The following NCOA6 variants were observed in gnomAD, a reference collection of about 807,000 sequenced individuals.
NCOA6 encodes the protein nuclear receptor coactivator 6, also known as NRC RAP250.
Under a neutral mutation model 171.4 loss-of-function variants are expected in NCOA6, and 49 were observed. The observed-to-expected ratio is 0.29, with a 90% CI of 0.23 to 0.36. The LOEUF (loss-of-function observed/expected upper bound fraction) is 0.36. Ranked by LOEUF, NCOA6 falls within the 10% of genes least tolerant of loss-of-function variation. The pLI is 1.00. For missense variants in NCOA6, 2,248 were observed against 2,554.5 expected, an observed-to-expected ratio of 0.88 and a Z score of 2.59; for synonymous variants, 910 against 927.5, an observed-to-expected ratio of 0.98 and a Z score of 0.34.
chr20:34,767,487 G>A (rs185294336), intron 5 of NCOA6, among the ~76,000 whole-genome samples: 210 of 152,142 alleles, frequency 1.4e-3, no homozygotes, highest in African/African-American at 4.5e-3. Flanking sequence ...GTAGAGATGG[G>A]GTTTCACCAT....
At position 34,742,798 on chromosome 20, in the gene NCOA6, T is replaced by A. The variant is rs1258014849; in HGVS notation, c.3458A>T (p.His1153Leu). 1 of 1,614,052 alleles carries A rather than the reference T, an allele frequency of 6.2e-7. No individual in the cohort carries two copies. The highest frequency in any genetic ancestry group is 1.3e-5 in the African/African-American group (1 of 74,900). The change falls in exon 11 of 15, where the codon CAT becomes CTT. Residue 1153 changes from histidine (H) to leucine (L), a missense_variant. By Grantham distance (99) the His-to-Leu change is moderately conservative. Around this residue, in one of 7 missense-constraint regions of NCOA6, gnomAD observed 352 missense variants for 419.1 expected, o/e 0.84. Coordinates refer to ENST00000359003, the MANE Select transcript of NCOA6 (RefSeq NM_014071.5). ...TAACTGATTCTGGGGAAGTACTACA[T>A]GTGAAGGCATGTTGTTTGGGCCTCC... ...VPGGPNNMPS[H>L]VVLPQNQLMM...
At chr20:34,744,915 A>G (rs57050318) in intron 10 of NCOA6, among the ~76,000 whole-genome samples, 2,328 of 152,320 alleles carry the variant, frequency 0.015, 67 homozygotes, top group African/African-American at 0.053. Context: ...AGTAAATACC[A>G]AAGAGGACAG....
intron 4 of NCOA6, among the ~76,000 whole-genome samples, chr20:34,775,529 A>G (rs1396454823): frequency 5.3e-5 from 8 of 151,976 alleles, no homozygotes; most frequent in Admixed American, 5.2e-4. Context: ...TACTAAAAAT[A>G]CAAAAATTAG....
intron 1 of NCOA6, among the ~76,000 whole-genome samples, chr20:34,814,473 A>G (rs900717471): frequency 6.6e-6 from 1 of 152,258 alleles, no homozygotes; most frequent in African/African-American, 2.4e-5. Flanking sequence ...GTAGAAAAGT[A>G]CGTCAATATA....
At chr20:34,769,311 G>A (rs1445788464) in intron 4 of NCOA6, among the ~76,000 whole-genome samples, 1 of 151,752 alleles carries the variant, frequency 6.6e-6, no homozygotes, top group Non-Finnish European at 1.5e-5. Context: ...TGCTGCCTCA[G>A]CCTCCTGAGT....
At chr20:34,736,419 G>A (rs1393488737) in intron 12 of NCOA6, among the ~76,000 whole-genome samples, 2 of 152,182 alleles carry the variant, frequency 1.3e-5, no homozygotes, top group Non-Finnish European at 2.9e-5. Context: ...ACCCATGGCT[G>A]GGTGGCAGAC....
In NCOA6 at chr20:34,776,305, C is replaced by A; in HGVS notation, c.379G>T (p.Val127Phe). The A allele has an allele frequency of 6.2e-7, 1 of 1,613,798 alleles. No homozygotes were observed. Among genetic ancestry groups the A allele is most frequent in the Non-Finnish European group, 8.5e-7 (1 of 1,179,960 alleles). ...QQLRDLGILS[V>F]QIEGEGAINL... ...CAAAGTAAAAGACCTTCAATCTGAA[C>A]GGAGAGAATCCCTAAATCCCGAAGC... Residue 127 changes from valine (V) to phenylalanine (F), a missense_variant, in exon 4 of 15, where the codon GTT becomes TTT. Physicochemically the swap from Val to Phe is conservative, Grantham distance 50 (BLOSUM62 -1). Transcript: ENST00000359003.
intron 12 of NCOA6, among the ~76,000 whole-genome samples, chr20:34,735,932 C>T (rs2075943356): frequency 6.6e-6 from 1 of 151,926 alleles, no homozygotes; most frequent in Non-Finnish European, 1.5e-5. Context: ...TCTGTGGGGA[C>T]CAGTCATACT....
intron 1 of NCOA6, chr20:34,819,284 C>G (rs2078933567): frequency 6.6e-6 from 1 of 152,142 alleles, no homozygotes; most frequent in Non-Finnish European, 1.5e-5. Context: ...CTATGGAGAA[C>G]TAGGAAACAC....
chr20:34,823,498 G>A (rs1334511769), intron 1 of NCOA6, among the ~76,000 whole-genome samples: 1 of 152,090 alleles, frequency 6.6e-6, no homozygotes, highest in Non-Finnish European at 1.5e-5. Flanking sequence ...ATTATATGGG[G>A]CCCTGGACCT....
intron 1 of NCOA6, among the ~76,000 whole-genome samples, chr20:34,822,371 C>T (rs2079032358): frequency 6.6e-6 from 1 of 152,186 alleles, no homozygotes; most frequent in East Asian, 1.9e-4. Flanking sequence ...GCTCCAGCCA[C>T]ATTCAGTTAT....
chr20:34,766,291 C>A (rs2076979282), intron 5 of NCOA6, among the ~76,000 whole-genome samples: 1 of 152,114 alleles, frequency 6.6e-6, no homozygotes, highest in African/African-American at 2.4e-5. Context: ...TAAAGCTTCT[C>A]AGTTTCCTAG....
At chr20:34,811,588 C>T (rs2078666541) in intron 1 of NCOA6, among the ~76,000 whole-genome samples, 2 of 152,112 alleles carry the variant, frequency 1.3e-5, no homozygotes, top group South Asian at 4.1e-4. Context: ...TAATAATCTA[C>T]TGTAATTTGA....
intron 8 of NCOA6, among the ~76,000 whole-genome samples, chr20:34,753,048 CT>C (rs202176089): frequency 6.8e-4 from 98 of 144,984 alleles, no homozygotes; most frequent in Non-Finnish European, 6.9e-4. Context: ...TTAAAACATA[CT>C]TTTTTTTTTT....
chr20:34,736,782 C>T (rs773614652), intron 11 of NCOA6, 24 bp from the exon 12 acceptor site: 1 of 1,587,586 alleles, frequency 6.3e-7, no homozygotes, highest in Non-Finnish European at 8.6e-7. Flanking sequence ...AAAAAAATTA[C>T]AGACCTTTTA....
At chr20:34,735,911 A>G (rs2075941483) in intron 12 of NCOA6, among the ~76,000 whole-genome samples, 1 of 151,840 alleles carries the variant, frequency 6.6e-6, no homozygotes, top group Non-Finnish European at 1.5e-5. Context: ...AGTTTCAATG[A>G]GATTCTTACC....
At chr20:34,810,786 T>C (rs2146611192) in intron 1 of NCOA6, among the ~76,000 whole-genome samples, 1 of 152,232 alleles carries the variant, frequency 6.6e-6, no homozygotes, top group African/African-American at 2.4e-5. Context: ...CCTTGTGATC[T>C]GCCCACCTTG....
At chr20:34,751,096 C>T (rs1398381874) in intron 8 of NCOA6, among the ~76,000 whole-genome samples, 1 of 150,362 alleles carries the variant, frequency 6.7e-6, no homozygotes, top group Admixed American at 6.6e-5. Flanking sequence ...GTCGGCCGGG[C>T]GCGGTGGCTC....
chr20:34,800,138 T>C (rs1390583086), intron 1 of NCOA6, among the ~76,000 whole-genome samples: 1 of 152,184 alleles, frequency 6.6e-6, no homozygotes, highest in African/African-American at 2.4e-5. Flanking sequence ...TCTTTGTTTA[T>C]GCAATCAGTG....
Sources: gnomAD v4.1 joint callset for allele counts (sites outside exome capture counted in the v4.1 genomes callset) on GRCh38, gnomAD v4.1.1 for gene constraint, gnomAD v4.1.1 regional missense constraint, MANE v1.5 for transcripts, NCBI Gene and HGNC (gene_info 2026-07-23, HGNC 2026-07-21) for gene names.